Variants in LRRC72 observed in about 807,000 individuals in gnomAD.
The protein encoded by LRRC72 is leucine rich repeat containing 72.
LRRC72 carries 41 observed loss-of-function variants against 35.8 expected under a neutral mutation model. The observed-to-expected ratio is 1.15, with a 90% CI of 0.89 to 1.49. The LOEUF is 1.49. Among genes scored for constraint, LRRC72 ranks in the 40% most tolerant of loss-of-function variants. LRRC72 has a pLI of 0.00. For synonymous variants in LRRC72, 118 were observed against 119.2 expected (o/e 0.99, Z 0.07); for missense variants, 389 against 330.7 (o/e 1.18, Z -1.37).
chr7:16,540,246 A>T (rs1252410240), intron 3 of LRRC72, among the ~76,000 whole-genome samples: 1 of 152,220 alleles, frequency 6.6e-6, no homozygotes, highest in Non-Finnish European at 1.5e-5. Flanking sequence ...TTGGAGTTTT[A>T]AGATTTACTG....
In LRRC72 at chr7:16,578,062, A is replaced by G. The variant is rs74450076; in HGVS notation, c.671-2012A>G. On this transcript the variant is annotated intron_variant, in intron 7 of 8. Transcript: ENST00000401542. ...TTGCACATATGGACAAAGAAAAAATATATAGGTATAAGGCTGCATGTTGCA... is the reference window on the plus strand; with the variant it reads ...TTGCACATATGGACAAAGAAAAAATGTATAGGTATAAGGCTGCATGTTGCA... Among the ~76,000 whole-genome samples, 981 of 152,362 alleles carry G rather than the reference A, an allele frequency of 6.4e-3. 6 individuals carry two copies. The highest frequency in any genetic ancestry group is 0.022 in the African/African-American group (922 of 41,600).
chr7:16,537,852 T>C (rs1278417405), intron 3 of LRRC72, among the ~76,000 whole-genome samples, 156 bp downstream of exon 3: 1 of 152,166 alleles, frequency 6.6e-6, no homozygotes, highest in South Asian at 2.1e-4. Flanking sequence ...GGTACATATA[T>C]ATATATTTGG....
chr7:16,577,195 A>G (rs1783057428), intron 7 of LRRC72, among the ~76,000 whole-genome samples: 2 of 152,174 alleles, frequency 1.3e-5, no homozygotes, highest in Non-Finnish European at 2.9e-5. Flanking sequence ...CAACTGAGGG[A>G]GTTGTGTACA....
intron 7 of LRRC72, among the ~76,000 whole-genome samples, chr7:16,576,743 A>C (rs1440874306): frequency 6.6e-6 from 1 of 152,204 alleles, no homozygotes; most frequent in Non-Finnish European, 1.5e-5. Context: ...AGCTTTTAAA[A>C]TGTCCATTAG....
At chr7:16,555,998 T>C (rs1166739503) in intron 3 of LRRC72, among the ~76,000 whole-genome samples, 2 of 152,102 alleles carry the variant, frequency 1.3e-5, no homozygotes, top group Non-Finnish European at 2.9e-5. Flanking sequence ...TCCTCCTCTA[T>C]GGCTCTACCA....
At chr7:16,571,521 C>G (rs1342732335) in intron 7 of LRRC72, among the ~76,000 whole-genome samples, 1 of 152,198 alleles carries the variant, frequency 6.6e-6, no homozygotes, top group Admixed American at 6.5e-5. Flanking sequence ...ATGGGTTAGA[C>G]AATGGGTGCA....
chr7:16,567,351 TATA>T (rs1053811098), intron 6 of LRRC72, 37 bp from the exon 7 acceptor site: 6 of 1,307,434 alleles, frequency 4.6e-6, no homozygotes, highest in Non-Finnish European at 6.1e-6. Flanking sequence ...TCCGCCTATT[TATA>T]ATGTTATGCA....
chr7:16,531,190 A>G (rs1782155734), intron 1 of LRRC72, among the ~76,000 whole-genome samples: 1 of 151,882 alleles, frequency 6.6e-6, no homozygotes, highest in African/African-American at 2.4e-5. Context: ...CAAAAAAAAA[A>G]AAAAGAAAAA....
intron 7 of LRRC72, among the ~76,000 whole-genome samples, chr7:16,574,650 G>A (rs986703182): frequency 3.3e-5 from 5 of 152,068 alleles, no homozygotes; most frequent in Non-Finnish European, 7.4e-5. Context: ...GCCTGTCGGG[G>A]GCTGGAGGGC....
intron 1 of LRRC72, chr7:16,530,376 T>C (rs1282579645): frequency 6.6e-6 from 1 of 152,210 alleles, no homozygotes; most frequent in East Asian, 1.9e-4. Flanking sequence ...TTCTGTTCTA[T>C]TGGGGCCCTC....
Position 16,578,770 on chromosome 7 carries a change from T to C in LRRC72, c.671-1304T>C, listed in dbSNP as rs529955657. 9.8e-5 allele frequency among the ~76,000 whole-genome samples: 15 copies of C among 152,304 alleles called. No homozygotes were observed. In the South Asian group the frequency reaches 2.7e-3, roughly 27 times the overall value. ...TAAGTAAAGTATGCGCTTTTTGTAA[T>C]TAAAAATGAAGACGAGAACAGGGAA... On this transcript the variant is annotated intron_variant, in intron 7 of 8. Coordinates refer to ENST00000401542, the MANE Select transcript of LRRC72 (RefSeq NM_001195280.2).
intron 3 of LRRC72, among the ~76,000 whole-genome samples, chr7:16,542,208 A>C (rs1462523349): frequency 6.6e-6 from 1 of 152,148 alleles, no homozygotes; most frequent in East Asian, 1.9e-4. Context: ...TACTCATTGA[A>C]TATTCACAAA....
intron 7 of LRRC72, among the ~76,000 whole-genome samples, chr7:16,571,641 T>C (rs973790262): frequency 6.6e-6 from 1 of 152,144 alleles, no homozygotes; most frequent in Non-Finnish European, 1.5e-5. Context: ...GACTGTGCCT[T>C]GGGGAACGGA....
At position 16,548,009 on chromosome 7, in the gene LRRC72, G is replaced by T. The variant is rs553141670; in HGVS notation, c.235-9351G>T. On this transcript the variant is annotated intron_variant, in intron 3 of 8. Transcript: ENST00000401542. ...TCTGGGCCTGCCCGTGGCTGCCCAT[G>T]AACCAATCAGCAAGCACTTCCTCCC... Among the ~76,000 whole-genome samples, 4 of 152,340 alleles carry T rather than the reference G, an allele frequency of 2.6e-5. No individual in the cohort carries two copies. The East Asian group carries it at 5.8e-4, about 22-fold the overall frequency.
intron 3 of LRRC72, among the ~76,000 whole-genome samples, chr7:16,542,784 T>C (rs1445792066): frequency 1.3e-5 from 2 of 152,226 alleles, no homozygotes; most frequent in African/African-American, 4.8e-5. Context: ...GCTATCTTTT[T>C]TAGGAATAGA....
At chr7:16,564,966 G>C (rs1486493145) in intron 5 of LRRC72, among the ~76,000 whole-genome samples, 1 of 152,104 alleles carries the variant, frequency 6.6e-6, no homozygotes, top group Non-Finnish European at 1.5e-5. Flanking sequence ...TGTATTTTAT[G>C]AATAGTCTAC....
intron 3 of LRRC72, among the ~76,000 whole-genome samples, chr7:16,542,569 A>G (rs1427434260): frequency 1.3e-5 from 2 of 152,174 alleles, no homozygotes; most frequent in Admixed American, 6.5e-5. Flanking sequence ...CTGTGACCTG[A>G]AGGAGGCTTC....
chr7:16,573,018 CAGAG>C (rs1404128450), intron 7 of LRRC72, among the ~76,000 whole-genome samples: 1 of 152,126 alleles, frequency 6.6e-6, no homozygotes, highest in Non-Finnish European at 1.5e-5. Context: ...AATAGACAAA[CAGAG>C]AGCCAAATCA....
chr7:16,572,292 C>A (rs1480517929), intron 7 of LRRC72, among the ~76,000 whole-genome samples: 1 of 152,274 alleles, frequency 6.6e-6, no homozygotes, highest in East Asian at 1.9e-4. Context: ...GGAACTCCAC[C>A]CTAACTCATT....
Sources: allele counts gnomAD v4.1 joint callset (sites outside exome capture counted in the v4.1 genomes callset), GRCh38; gene constraint gnomAD v4.1.1; transcripts MANE v1.5; gene names NCBI Gene and HGNC (gene_info 2026-07-23, HGNC 2026-07-21).